Variants in CLIP2 observed in about 807,000 individuals in gnomAD.
CLIP2 encodes the protein CAP-Gly domain containing linker protein 2.
Under a neutral mutation model 111.7 loss-of-function variants are expected in CLIP2, and 41 were observed. The observed-to-expected ratio is 0.37, with a 90% confidence interval of 0.29 to 0.48. The LOEUF (loss-of-function observed/expected upper bound fraction) is 0.48. Ranked by LOEUF, CLIP2 falls within the 20% of genes least tolerant of loss-of-function variation. The probability of loss-of-function intolerance (pLI) is 0.99; values close to 1 mark genes in which losing one functional copy is unlikely to be tolerated. For synonymous variants in CLIP2, 660 were observed against 644.2 expected (o/e 1.02, Z -0.37); for missense variants, 1,160 against 1,422.1 (o/e 0.82, Z 2.96).
At chr7:74,385,483 G>A (rs1263174005) in intron 11 of CLIP2, among the ~76,000 whole-genome samples, 2 of 149,008 alleles carry the variant, frequency 1.3e-5, no homozygotes, top group Non-Finnish European at 3.0e-5. Context: ...AAAAAAAAAA[G>A]GTTAAAATCG....
chr7:74,341,962 G>C (rs1554305456), intron 3 of CLIP2, among the ~76,000 whole-genome samples: 1 of 152,188 alleles, frequency 6.6e-6, no homozygotes, highest in Admixed American at 6.6e-5. Context: ...TGGTGGGGAG[G>C]CTGCCCCGAG....
At chr7:74,326,144 G>T (rs1309249676) in intron 2 of CLIP2, among the ~76,000 whole-genome samples, 3 of 152,154 alleles carry the variant, frequency 2.0e-5, no homozygotes, top group African/African-American at 7.2e-5. Context: ...GGAGGCTGAG[G>T]CAGGAGAATG....
intron 3 of CLIP2, among the ~76,000 whole-genome samples, chr7:74,353,473 ACTC>A (rs1167072474): frequency 2.0e-5 from 3 of 150,714 alleles, no homozygotes; most frequent in African/African-American, 7.3e-5. Context: ...CTGGTCTTGA[ACTC>A]CTGACCTCAG....
At chr7:74,378,902 A>G (rs1790866638) in intron 10 of CLIP2, among the ~76,000 whole-genome samples, 1 of 151,814 alleles carries the variant, frequency 6.6e-6, no homozygotes, top group East Asian at 1.9e-4. Context: ...CCAGGAAGGG[A>G]TTTTGTTTTT....
rs1554308686 is a variant in CLIP2, at chr7:74,357,425, A to G, written c.1163A>G (p.His388Arg). The G allele has an allele frequency of 1.2e-6, 2 of 1,614,122 alleles. No homozygotes were observed. Among genetic ancestry groups the G allele is most frequent in the East Asian group, 2.2e-5 (1 of 44,878 alleles). ...GCTGAGGTGGCCAAGGCCACAAGCCACATCTGCGAGGTGGAGAAGGAGATT... is the reference window on the plus strand; with the variant it reads ...GCTGAGGTGGCCAAGGCCACAAGCCGCATCTGCGAGGTGGAGAAGGAGATT... ...ERAEVAKATS[H>R]ICEVEKEIAL... The change falls in exon 6 of 17, where the codon CAC becomes CGC. Residue 388 changes from histidine (H) to arginine (R), a missense_variant. Transcript: ENST00000223398.
At chr7:74,331,711 C>G (rs1230948101) in intron 2 of CLIP2, among the ~76,000 whole-genome samples, 1 of 149,910 alleles carries the variant, frequency 6.7e-6, no homozygotes, top group Non-Finnish European at 1.5e-5. Flanking sequence ...GTAGCTGGGA[C>G]TTTAGATGCC....
At chr7:74,356,226 A>G (rs1554308422) in intron 4 of CLIP2, among the ~76,000 whole-genome samples, 184 bp from the exon 5 acceptor site, 1 of 151,954 alleles carries the variant, frequency 6.6e-6, no homozygotes, top group Non-Finnish European at 1.5e-5. Context: ...ACTCACCTAT[A>G]TCCTTTTTTT....
At chr7:74,367,877 G>A (rs782048812) in intron 8 of CLIP2, among the ~76,000 whole-genome samples, 37 of 151,700 alleles carry the variant, frequency 2.4e-4, no homozygotes, top group Non-Finnish European at 4.0e-4. Context: ...AGGAGTTTGA[G>A]ACCAGCCTGG....
At chr7:74,367,748 C>A (rs922574742) in intron 8 of CLIP2, among the ~76,000 whole-genome samples, 1 of 152,142 alleles carries the variant, frequency 6.6e-6, no homozygotes, top group Non-Finnish European at 1.5e-5. Flanking sequence ...AACACCACCC[C>A]CCTTACGGTT....
chr7:74,394,325 A>T (rs1434994026), intron 13 of CLIP2, among the ~76,000 whole-genome samples: 1 of 135,798 alleles, frequency 7.4e-6, no homozygotes, highest in African/African-American at 2.8e-5. Context: ...ATCTCTGCTC[A>T]CCGCAACCTC....
chr7:74,302,880 G>A (rs1788376769), intron 1 of CLIP2, among the ~76,000 whole-genome samples: 1 of 152,240 alleles, frequency 6.6e-6, no homozygotes, highest in African/African-American at 2.4e-5. Context: ...CCAGGCCAAT[G>A]GGTGCTCTCA....
chr7:74,332,460 CTTTTT>C (rs386410474), intron 2 of CLIP2, among the ~76,000 whole-genome samples: 14 of 110,330 alleles, frequency 1.3e-4, no homozygotes, highest in Admixed American at 2.2e-4. Context: ...CTAGAATTCT[CTTTTT>C]TTTTTTTTTT....
intron 1 of CLIP2, among the ~76,000 whole-genome samples, chr7:74,316,962 C>T (rs1489197097): frequency 1.3e-5 from 2 of 152,180 alleles, no homozygotes; most frequent in African/African-American, 4.8e-5. Flanking sequence ...TCACTGCAGC[C>T]TCAAACTCCT....
At chr7:74,301,066 C>T (rs1788322216) in intron 1 of CLIP2, among the ~76,000 whole-genome samples, 1 of 152,174 alleles carries the variant, frequency 6.6e-6, no homozygotes, top group Admixed American at 6.6e-5. Context: ...TACGCGTTCC[C>T]TTTCCTCCAC....
intron 8 of CLIP2, among the ~76,000 whole-genome samples, chr7:74,367,060 T>G (rs1281704808): frequency 6.6e-6 from 1 of 152,134 alleles, no homozygotes; most frequent in Non-Finnish European, 1.5e-5. Context: ...GAACATCTTA[T>G]GAAGACAGCA....
intron 2 of CLIP2, among the ~76,000 whole-genome samples, chr7:74,323,314 G>C (rs959193236): frequency 1.3e-5 from 2 of 151,572 alleles, no homozygotes; most frequent in Non-Finnish European, 2.9e-5. Flanking sequence ...TCTTGCATTT[G>C]TTGTCCTCAT....
rs1554729299 is a variant in CLIP2, at chr7:74,317,626, C to T, written c.80C>T (p.Ser27Leu). Residue 27 changes from serine (S) to leucine (L), a missense_variant, in exon 2 of 17, where the codon TCA becomes TTA. Physicochemically the swap from Ser to Leu is moderately radical, Grantham distance 145 (BLOSUM62 -2). Around this residue, in one of 5 missense-constraint regions of CLIP2, gnomAD observed 301 missense variants for 315.2 expected, o/e 0.96. Transcript: ENST00000223398. The stretch of plus-strand genomic sequence containing the variant: ...CCCATGGGCCGGACATCTACTGGGT[C>T]AGCTTCATCCTCGGCGGCGGTGGCC... ...SSPMGRTSTG[S>L]ASSSAAVAAS... The T allele has an allele frequency of 6.6e-7, 1 of 1,524,834 alleles. No individual in the cohort carries two copies. Among genetic ancestry groups the T allele is most frequent in the Non-Finnish European group, 8.8e-7 (1 of 1,130,130 alleles). The allele number at this position is 1,524,834 out of a possible 1,614,324, so 94.5% of individuals were successfully genotyped here.
intron 10 of CLIP2, among the ~76,000 whole-genome samples, chr7:74,379,187 G>A (rs1790872550): frequency 6.6e-6 from 1 of 152,086 alleles, no homozygotes; most frequent in African/African-American, 2.4e-5. Context: ...CTCCTGGCCG[G>A]GCGCGGTGGC....
At chr7:74,315,167 T>A (rs1554728968) in intron 1 of CLIP2, among the ~76,000 whole-genome samples, 1 of 152,044 alleles carries the variant, frequency 6.6e-6, no homozygotes, top group African/African-American at 2.4e-5. Flanking sequence ...TCCCAGCTAC[T>A]TGGGAGGCTG....
Sources: gnomAD v4.1 joint callset for allele counts (sites outside exome capture counted in the v4.1 genomes callset) on GRCh38, gnomAD v4.1.1 for gene constraint, gnomAD v4.1.1 regional missense constraint, MANE v1.5 for transcripts, NCBI Gene and HGNC (gene_info 2026-07-23, HGNC 2026-07-21) for gene names.